The following DPP3 variants were observed in gnomAD, a reference collection of about 807,000 sequenced individuals.
DPP3 encodes DPP III.
DPP3 carries 64 observed loss-of-function variants against 89.8 expected under a neutral mutation model. That is an observed-to-expected ratio of 0.71 (90% confidence interval 0.58 to 0.88). The LOEUF (loss-of-function observed/expected upper bound fraction) is 0.88. DPP3 is among the 40% of genes least tolerant of loss of function. The pLI, the probability that DPP3 is intolerant of heterozygous loss-of-function variation, is 0.00. For missense variants in DPP3, 835 were observed against 972.5 expected (o/e 0.86, Z 1.88); for synonymous variants, 377 against 404.3 (o/e 0.93, Z 0.81).
chr11:66,508,554 T>C (rs548618061), intron 17 of DPP3, among the ~76,000 whole-genome samples: 12 of 152,128 alleles, frequency 7.9e-5, no homozygotes, highest in Non-Finnish European at 1.5e-4. Context: ...AGGTGGAATC[T>C]CACTGTCACC....
In DPP3 at chr11:66,509,238, C is replaced by T. The variant is rs762884562; in HGVS notation, c.2201C>T (p.Ser734Phe). 6.2e-7 allele frequency: 1 copy of T among 1,611,084 alleles called. No individual in the cohort carries two copies. The highest frequency in any genetic ancestry group is 8.5e-7 in the Non-Finnish European group (1 of 1,178,610). The change falls in exon 18 of 18, where the codon TCT (serine) becomes TTT (phenylalanine). Residue 734 changes from serine (S) to phenylalanine (F), a missense_variant. Transcript: ENST00000531863. The part of the protein sequence containing the change: ...RFWKGPSEAP[S>F]GQA ...TGGAAGGGCCCCAGTGAGGCCCCAT[C>T]TGGCCAAGCTTGAGGAAGATGTGTG...
chr11:66,495,166 G>C lies in DPP3; in HGVS notation c.1390-40G>C, dbSNP rs1348271490. On this transcript the variant is annotated intron_variant, in intron 12 of 17. Coordinates refer to ENST00000531863, the MANE Select transcript of DPP3 (RefSeq NM_130443.4). ...TTCTGGGGCTGGAGGCCTGGATCCAGTTGGGGGCGCCTTTCCCTCACCCAC... is the reference window on the plus strand; with the variant it reads ...TTCTGGGGCTGGAGGCCTGGATCCACTTGGGGGCGCCTTTCCCTCACCCAC... The C allele has an allele frequency of 5.0e-6, 8 of 1,612,014 alleles. No individual in the cohort carries two copies. In the Admixed American group the frequency reaches 5.0e-5, roughly 10 times the overall value.
chr11:66,508,984 G>A, intron 17 of DPP3, 95 bp from the exon 18 acceptor site: 1 of 1,485,926 alleles, frequency 6.7e-7, no homozygotes, highest in Non-Finnish European at 9.1e-7. Flanking sequence ...GTAAGAAACA[G>A]CTGCTGCTGT....
At chr11:66,487,211 C>A in intron 4 of DPP3, 57 bp from the exon 5 acceptor site, 2 of 1,558,160 alleles carry the variant, frequency 1.3e-6, no homozygotes, top group South Asian at 2.2e-5. Flanking sequence ...ATATGACGTC[C>A]CTGCAGCCCT....
chr11:66,491,963 C>T (rs1398636671), intron 9 of DPP3, among the ~76,000 whole-genome samples: 1 of 152,186 alleles, frequency 6.6e-6, no homozygotes, highest in Admixed American at 6.5e-5. Flanking sequence ...TCCATCATCC[C>T]ATGAGGATAT....
chr11:66,480,641 T>G (rs952517552), intron 1 of DPP3, 176 bp downstream of exon 1: 3 of 662,904 alleles, frequency 4.5e-6, no homozygotes, highest in Non-Finnish European at 6.7e-6. Flanking sequence ...AACAGCCCTT[T>G]CCGAACCTCG....
chr11:66,481,455 A>C (rs539740767), intron 1 of DPP3, among the ~76,000 whole-genome samples: 1 of 151,936 alleles, frequency 6.6e-6, no homozygotes, highest in Non-Finnish European at 1.5e-5. Flanking sequence ...ATGCCACTGC[A>C]CTCCAGCCTG....
chr11:66,493,510 G>A lies in DPP3; in HGVS notation c.1297-31G>A, dbSNP rs552981663. 1.9e-6 allele frequency: 3 copies of A among 1,608,336 alleles called. No homozygotes were observed. The South Asian group carries it at 3.3e-5, about 18-fold the overall frequency. ...GGCTGTATAGCCAGGGCTGGCCAGT[G>A]GACAGCGCGGGTCTCTGCTTGTCTT... On this transcript the variant is annotated intron_variant, in intron 11 of 17. Coordinates refer to ENST00000531863, the MANE Select transcript of DPP3 (RefSeq NM_130443.4).
At chr11:66,492,568 C>T in intron 9 of DPP3, 148 bp from the exon 10 acceptor site, 1 of 927,616 alleles carries the variant, frequency 1.1e-6, no homozygotes, top group Non-Finnish European at 1.6e-6. Flanking sequence ...CCCAGTAGGG[C>T]CCAGGCCTGG....
At chr11:66,508,404 C>G (rs144177627) in intron 17 of DPP3, among the ~76,000 whole-genome samples, 1 of 152,182 alleles carries the variant, frequency 6.6e-6, no homozygotes, top group Non-Finnish European at 1.5e-5. Context: ...TGGGAGGTTG[C>G]AACACTTGCC....
rs1226904403 is a variant in DPP3 at position 66,491,692 on chromosome 11, C to T, written c.930-6C>T. On this transcript the variant is annotated splice_region_variant and splice_polypyrimidine_tract_variant and intron_variant, in intron 8 of 17. Coordinates refer to ENST00000531863, the MANE Select transcript of DPP3 (RefSeq NM_130443.4). Reference sequence around the variant, plus strand: ...CCTCCTCCACCTCTGCCCTTCTCTCCCCCAGTTACATCGGGTTCATCGAGA... The same window carrying T: ...CCTCCTCCACCTCTGCCCTTCTCTCTCCCAGTTACATCGGGTTCATCGAGA... 2 of 1,613,508 alleles carry T rather than the reference C, an allele frequency of 1.2e-6. No homozygotes were observed. Among genetic ancestry groups the T allele is most frequent in the South Asian group, 1.1e-5 (1 of 91,042 alleles).
chr11:66,503,764 G>A (rs978693012), intron 16 of DPP3, among the ~76,000 whole-genome samples: 2 of 152,158 alleles, frequency 1.3e-5, no homozygotes, highest in Non-Finnish European at 2.9e-5. Flanking sequence ...GCACGCACCT[G>A]TAGTCCCAGC....
intron 2 of DPP3, among the ~76,000 whole-genome samples, chr11:66,482,760 CAGA>C (rs953116455): frequency 7.6e-4 from 116 of 152,302 alleles, no homozygotes; most frequent in African/African-American, 2.7e-3. Flanking sequence ...TCAGGGAAGG[CAGA>C]AGAAGGAGTC....
intron 6 of DPP3, among the ~76,000 whole-genome samples, chr11:66,490,173 AG>A (rs1202396976): frequency 6.9e-6 from 1 of 144,800 alleles, no homozygotes; most frequent in East Asian, 2.0e-4. Flanking sequence ...AAAAAAAAAA[AG>A]GCAGTAAGAC....
At chr11:66,496,323 T>C (rs938379254) in intron 15 of DPP3, among the ~76,000 whole-genome samples, 4 of 152,212 alleles carry the variant, frequency 2.6e-5, no homozygotes, top group Admixed American at 1.3e-4. Context: ...CTCGGCTCAC[T>C]GCAACCTCCG....
intron 11 of DPP3, 118 bp downstream of exon 11, chr11:66,493,297 A>G (rs1216723107): frequency 8.5e-6 from 8 of 938,052 alleles, no homozygotes; most frequent in Non-Finnish European, 1.3e-5. Context: ...TGGCTCTGCC[A>G]CTTCCCAACC....
chr11:66,492,624 A>T, intron 9 of DPP3, 92 bp from the exon 10 acceptor site: 1 of 1,386,880 alleles, frequency 7.2e-7, no homozygotes, highest in Non-Finnish European at 9.8e-7. Flanking sequence ...TGCATACAGT[A>T]GGCATTCAGT....
At chr11:66,501,361 CA>C (rs908610259) in intron 16 of DPP3, among the ~76,000 whole-genome samples, 70 of 131,048 alleles carry the variant, frequency 5.3e-4, no homozygotes, top group South Asian at 9.7e-4. Flanking sequence ...AATTACGTCT[CA>C]AAAAAAAAAA....
intron 17 of DPP3, among the ~76,000 whole-genome samples, chr11:66,508,846 G>C (rs186360798): frequency 1.3e-5 from 2 of 152,264 alleles, no homozygotes; most frequent in African/African-American, 4.8e-5. Flanking sequence ...TTGATTGACT[G>C]AATGAACGAA....
Sources: allele counts gnomAD v4.1 joint callset (sites outside exome capture counted in the v4.1 genomes callset), GRCh38; gene constraint gnomAD v4.1.1; transcripts MANE v1.5; gene names NCBI Gene and HGNC (gene_info 2026-07-23, HGNC 2026-07-21).